Variants in ABCC6 observed in about 807,000 individuals in gnomAD.
The protein encoded by ABCC6 is ATP-binding cassette sub-family C member 6.
In ABCC6, 126 loss-of-function variants were observed where a neutral mutation model predicts 169.5. The observed-to-expected ratio is 0.74, with a 90% CI of 0.64 to 0.86. The LOEUF (loss-of-function observed/expected upper bound fraction) is 0.86, where lower values mean the gene tolerates loss of function less well. Ranked by LOEUF, ABCC6 falls within the 40% of genes least tolerant of loss-of-function variation. ABCC6 has a pLI of 0.00. For missense variants in ABCC6, 1,733 were observed against 1,927.2 expected, an observed-to-expected ratio of 0.90 and a Z score of 1.89; for synonymous variants, 752 against 814.7, an observed-to-expected ratio of 0.92 and a Z score of 1.31.
At chr16:16,197,506 G>C (rs2048083064) in intron 10 of ABCC6, among the ~76,000 whole-genome samples, 1 of 151,088 alleles carries the variant, frequency 6.6e-6, no homozygotes, top group East Asian at 2.0e-4. Context: ...AGGGAAGAGA[G>C]GGAGGACGGT....
chr16:16,163,570 C>T (rs550411211), intron 23 of ABCC6, among the ~76,000 whole-genome samples: 59 of 152,212 alleles, frequency 3.9e-4, no homozygotes, highest in Non-Finnish European at 5.3e-4. Flanking sequence ...GCACTGAGGC[C>T]GACTACTTCA....
rs1246113604 is a variant in ABCC6, at chr16:16,150,325, G to T, written c.4404-84C>A. ...TGTGAGAGCCCAGTGTGTCTGCGCT[G>T]AGGTTTTCTCCATAGAAGTCCTGCT... On this transcript the variant is annotated intron_variant, in intron 30 of 30. Coordinates refer to ENST00000205557, the MANE Select transcript of ABCC6 (RefSeq NM_001171.6). The T allele has an allele frequency of 1.9e-6, 3 of 1,593,460 alleles. No individual in the cohort carries two copies. The Admixed American group carries it at 5.4e-5, about 28-fold the overall frequency.
chr16:16,154,482 G>T, intron 29 of ABCC6, 146 bp downstream of exon 29: 2 of 1,043,858 alleles, frequency 1.9e-6, no homozygotes. Context: ...GTCAGAGCTT[G>T]GAATTGCAGA....
At chr16:16,170,225 C>T (rs2042201600) in intron 21 of ABCC6, among the ~76,000 whole-genome samples, 1 of 152,004 alleles carries the variant, frequency 6.6e-6, no homozygotes, top group African/African-American at 2.4e-5. Context: ...CTCAGCCTCC[C>T]GAGTAGTCAG....
intron 26 of ABCC6, among the ~76,000 whole-genome samples, chr16:16,159,208 C>T (rs1437908360): frequency 6.6e-6 from 1 of 152,110 alleles, no homozygotes; most frequent in African/African-American, 2.4e-5. Context: ...GTTGCTGTTG[C>T]AATGCTGTTC....
At chr16:16,153,796 C>T (rs911539139) in intron 29 of ABCC6, among the ~76,000 whole-genome samples, 5 of 150,676 alleles carry the variant, frequency 3.3e-5, no homozygotes, top group African/African-American at 4.9e-5. Context: ...CCCAGCTACT[C>T]GGGAGGCTGA....
Position 16,150,733 on chromosome 16 carries a change from A to G in ABCC6, c.4248T>C (p.Leu1416=). The G allele has an allele frequency of 1.9e-6, 3 of 1,613,876 alleles. No homozygotes were observed. Among genetic ancestry groups the G allele is most frequent in the Non-Finnish European group, 2.5e-6 (3 of 1,179,944 alleles). The change falls in exon 30 of 31, where the codon CTT becomes CTC. Residue 1416 remains leucine, a synonymous_variant. Transcript: ENST00000205557. ...QKQLLCLARA[L]LRKTQILILD... ...GGATGAGGATCTGGGTCTTCCGGAG[A>G]AGGGCACGTGCCAGACACAGGAGCT...
At chr16:16,185,122 C>CG in intron 14 of ABCC6, 88 bp from the exon 15 acceptor site, 1 of 1,231,150 alleles carries the variant, frequency 8.1e-7, no homozygotes, top group Admixed American at 1.8e-5. Flanking sequence ...TCCCCCGCCC[C>CG]CCCCAGGGGC....
Position 16,163,071 on chromosome 16 carries a change from T to A in ABCC6, c.3428A>T (p.Gln1143Leu), listed in dbSNP as rs767060442. ...GSTVVRAFRT[Q>L]APFVAQNNAR... Reference sequence around the variant, plus strand: ...ATTGTTCTGAGCCACAAAGGGGGCCTGGGTTCGGAATGCCCGGACCACTGT... The same window carrying A: ...ATTGTTCTGAGCCACAAAGGGGGCCAGGGTTCGGAATGCCCGGACCACTGT... Residue 1143 changes from glutamine to leucine, a missense_variant, in exon 24 of 31, where the codon CAG becomes CTG. Transcript: ENST00000205557. The A allele has an allele frequency of 6.2e-7, 1 of 1,613,998 alleles. No individual in the cohort carries two copies. The highest frequency in any genetic ancestry group is 8.5e-7 in the Non-Finnish European group (1 of 1,180,030).
At chr16:16,201,710 C>G (rs1310873468) in intron 9 of ABCC6, among the ~76,000 whole-genome samples, 1 of 152,138 alleles carries the variant, frequency 6.6e-6, no homozygotes, top group Non-Finnish European at 1.5e-5. Context: ...TGTCTATAGT[C>G]CCAGTTACTC....
chr16:16,203,619 G>T lies in ABCC6; in HGVS notation c.795-6C>A, dbSNP rs759780851. 1 of 1,613,998 alleles carries T rather than the reference G, an allele frequency of 6.2e-7. No individual in the cohort carries two copies. The highest frequency in any genetic ancestry group is 1.1e-5 in the South Asian group (1 of 91,066). On this transcript the variant is annotated splice_region_variant and splice_polypyrimidine_tract_variant and intron_variant, in intron 7 of 30. Coordinates refer to ENST00000205557, the MANE Select transcript of ABCC6 (RefSeq NM_001171.6). ...ATGCTATTGCCTTGTTGTGCCTGAG[G>T]GGAAGGGAGAGATTAGCTCTGGGTC...
chr16:16,202,002 T>C lies in ABCC6; in HGVS notation c.1175A>G (p.Lys392Arg), dbSNP rs748562202. 6.8e-6 allele frequency: 11 copies of C among 1,613,898 alleles called. No homozygotes were observed. The highest frequency in any genetic ancestry group is 7.6e-6 in the Non-Finnish European group (9 of 1,179,888). Residue 392 changes from lysine (K) to arginine (R), a missense_variant and splice_region_variant, in exon 9 of 31, where the codon AAG (lysine) becomes AGG (arginine). Physicochemically the swap from Lys to Arg is conservative, Grantham distance 26. Coordinates refer to ENST00000205557, the MANE Select transcript of ABCC6 (RefSeq NM_001171.6). ...RSAITGLVYR[K>R]VLALSSGSRK... ...CTGCCCTTGTCCCCCAGGGCTCACC[T>C]TTCTGTACACCAGGCCAGTGATGGC...
At chr16:16,186,964 A>T (rs1004440775) in intron 14 of ABCC6, among the ~76,000 whole-genome samples, 160 bp downstream of exon 14, 4 of 152,108 alleles carry the variant, frequency 2.6e-5, no homozygotes, top group African/African-American at 4.8e-5. Flanking sequence ...GCACGGTGCC[A>T]GTTTCCAAGT....
intron 29 of ABCC6, 42 bp downstream of exon 29, chr16:16,154,586 C>G: frequency 6.2e-7 from 1 of 1,610,582 alleles, no homozygotes; most frequent in Non-Finnish European, 8.5e-7. Flanking sequence ...CCATCCCCTC[C>G]TCTCCCACCT....
At chr16:16,215,129 G>A (rs2048811717) in intron 4 of ABCC6, among the ~76,000 whole-genome samples, 1 of 152,158 alleles carries the variant, frequency 6.6e-6, no homozygotes, top group African/African-American at 2.4e-5. Context: ...CTTGGCCAGG[G>A]TTCTCTGTTT....
intron 22 of ABCC6, among the ~76,000 whole-genome samples, chr16:16,169,035 G>A (rs538288439): frequency 4.1e-4 from 63 of 152,154 alleles, no homozygotes; most frequent in Non-Finnish European, 6.9e-4. Context: ...GAGCCGAGAC[G>A]GCAGCACTGC....
intron 18 of ABCC6, among the ~76,000 whole-genome samples, chr16:16,178,253 G>A (rs2047349778): frequency 6.6e-6 from 1 of 152,078 alleles, no homozygotes; most frequent in South Asian, 2.1e-4. Flanking sequence ...CGTGAACCCG[G>A]GAGCCGGAGC....
At chr16:16,180,491 A>T (rs1403842137) in intron 17 of ABCC6, among the ~76,000 whole-genome samples, 4 of 151,740 alleles carry the variant, frequency 2.6e-5, no homozygotes, top group Non-Finnish European at 4.4e-5. Flanking sequence ...TTCTTTTAAA[A>T]CTTATTTTTA....
intron 29 of ABCC6, among the ~76,000 whole-genome samples, chr16:16,151,825 C>T (rs2046392174): frequency 6.6e-6 from 1 of 152,046 alleles, no homozygotes; most frequent in South Asian, 2.1e-4. Flanking sequence ...TAATTTGAAC[C>T]CAAGTCCTCT....
Sources: gnomAD v4.1 joint callset for allele counts (sites outside exome capture counted in the v4.1 genomes callset) on GRCh38, gnomAD v4.1.1 for gene constraint, MANE v1.5 for transcripts, NCBI Gene and HGNC (gene_info 2026-07-23, HGNC 2026-07-21) for gene names.